Variants in TOM1L2 observed in about 807,000 individuals in gnomAD.
TOM1L2 encodes the protein TOM1-like protein 2.
TOM1L2 carries 31 observed loss-of-function variants against 67.9 expected under a neutral mutation model. The ratio of observed to expected loss-of-function variants is 0.46; its 90% confidence interval spans 0.34 to 0.62. The LOEUF (loss-of-function observed/expected upper bound fraction) is 0.62. TOM1L2 is among the 20% of genes least tolerant of loss of function. The pLI, the probability that TOM1L2 is intolerant of heterozygous loss-of-function variation, is 0.01. For missense variants in TOM1L2, 606 were observed against 663.5 expected (o/e 0.91, Z 0.95); for synonymous variants, 256 against 254.0 (o/e 1.01, Z -0.07).
At chr17:17,858,226 A>T (rs78819540) in intron 12 of TOM1L2, 6 of 157,268 alleles carry the variant, frequency 3.8e-5, no homozygotes, top group Admixed American at 1.3e-4. Flanking sequence ...TTTTTCCTAC[A>T]TTTTTTTTTT....
intron 1 of TOM1L2, among the ~76,000 whole-genome samples, chr17:17,962,599 C>G (rs2041728791): frequency 6.6e-6 from 1 of 152,152 alleles, no homozygotes; most frequent in Middle Eastern, 3.4e-3. Context: ...AAGGCATGAG[C>G]CACCGCGACT....
At chr17:17,888,724 C>T (rs888461106) in intron 4 of TOM1L2, among the ~76,000 whole-genome samples, 1 of 152,196 alleles carries the variant, frequency 6.6e-6, no homozygotes, top group Admixed American at 6.5e-5. Flanking sequence ...GGGAGGGGGG[C>T]TGGAGAGGCA....
In TOM1L2 at chr17:17,915,382, G is replaced by A. The variant is rs191497312; in HGVS notation, c.53-7851C>T. Among the ~76,000 whole-genome samples, 3 of 152,314 alleles carry A rather than the reference G, an allele frequency of 2.0e-5. No homozygotes were observed. In the East Asian group the frequency reaches 5.8e-4, roughly 29 times the overall value. ...GGGATCCTGGCTTACCAGGTGTGAA[G>A]TGGTATCCCAGTGTGGTTTTGTTTT... On this transcript the variant is annotated intron_variant, in intron 1 of 14. Coordinates refer to ENST00000379504, the MANE Select transcript of TOM1L2 (RefSeq NM_001082968.2).
chr17:17,907,884 G>A (rs999553608), intron 1 of TOM1L2, among the ~76,000 whole-genome samples: 1 of 152,154 alleles, frequency 6.6e-6, no homozygotes, highest in African/African-American at 2.4e-5. Flanking sequence ...CTAGTTGTGT[G>A]GTCTTGGGTA....
chr17:17,893,702 G>A lies in TOM1L2; in HGVS notation c.325C>T (p.Pro109Ser). ...LVKIISPKNN[P>S]PTIVQDKVLA... ...ACTTTGTCCTGTACAATGGTGGGAG[G>A]GTTGTTCTTGGGAGATATAATTTTG... is the stretch of plus-strand genomic sequence containing the variant. Residue 109 changes from proline to serine, a missense_variant, in exon 4 of 15, where the codon CCT (proline) becomes TCT (serine). This residue lies in a region of TOM1L2 where 543 missense variants were observed against 554.0 expected (regional missense o/e 0.98). Coordinates refer to ENST00000379504, the MANE Select transcript of TOM1L2 (RefSeq NM_001082968.2). 1 of 1,614,114 alleles carries A rather than the reference G, an allele frequency of 6.2e-7. No homozygotes were observed. Among genetic ancestry groups the A allele is most frequent in the Non-Finnish European group, 8.5e-7 (1 of 1,180,020 alleles).
Position 17,844,714 on chromosome 17 carries a change from C to T in TOM1L2, c.*2921G>A, listed in dbSNP as rs2035554882. On this transcript the variant is annotated 3_prime_UTR_variant, in exon 15 of 15. Transcript: ENST00000379504. ...CCATGGTGCCAGGGGCCCAACTGCA[C>T]ATAGCGCCATTCTCTGCCGCCCAGT... The T allele has an allele frequency of 6.6e-6, 1 of 152,272 alleles. No individual in the cohort carries two copies. Among genetic ancestry groups the T allele is most frequent in the Non-Finnish European group, 1.5e-5 (1 of 68,052 alleles). 9.4% of individuals were successfully genotyped at this position (152,272 alleles called of 1,614,324 possible).
intron 12 of TOM1L2, chr17:17,859,397 T>A (rs1433232422): frequency 6.6e-6 from 1 of 152,254 alleles, no homozygotes; most frequent in Non-Finnish European, 1.5e-5. Context: ...ATTGTGTTCT[T>A]AATTTCTCCC....
intron 1 of TOM1L2, among the ~76,000 whole-genome samples, chr17:17,968,388 C>T (rs1242970526): frequency 1.3e-5 from 2 of 152,112 alleles, no homozygotes; most frequent in Non-Finnish European, 1.5e-5. Flanking sequence ...GTCTTTGGGC[C>T]GGGCGCAATG....
intron 1 of TOM1L2, among the ~76,000 whole-genome samples, chr17:17,944,589 C>T (rs2040866226): frequency 1.3e-5 from 2 of 152,092 alleles, no homozygotes; most frequent in African/African-American, 4.8e-5. Context: ...AAAGAGATTC[C>T]CATATTTGGA....
At chr17:17,853,196 T>TC (rs907225632) in intron 12 of TOM1L2, among the ~76,000 whole-genome samples, 2 of 152,106 alleles carry the variant, frequency 1.3e-5, no homozygotes, top group African/African-American at 2.4e-5. Flanking sequence ...CCATGCTGAG[T>TC]CCCCAAAACT....
chr17:17,855,412 G>A (rs970671463), intron 12 of TOM1L2, among the ~76,000 whole-genome samples: 4 of 152,164 alleles, frequency 2.6e-5, no homozygotes, highest in Admixed American at 2.0e-4. Flanking sequence ...TCTCTCACAT[G>A]AGGATATTTT....
intron 1 of TOM1L2, among the ~76,000 whole-genome samples, chr17:17,938,379 G>C (rs748189699): frequency 6.6e-6 from 1 of 152,166 alleles, no homozygotes; most frequent in Non-Finnish European, 1.5e-5. Flanking sequence ...GACCCTTGGT[G>C]CCTTTGATTT....
At chr17:17,916,234 A>T (rs1349171925) in intron 1 of TOM1L2, among the ~76,000 whole-genome samples, 1 of 151,912 alleles carries the variant, frequency 6.6e-6, no homozygotes, top group Non-Finnish European at 1.5e-5. Context: ...CCACTATGCC[A>T]GGCTAATTTT....
At chr17:17,896,268 G>A (rs563994421) in intron 3 of TOM1L2, among the ~76,000 whole-genome samples, 1 of 152,220 alleles carries the variant, frequency 6.6e-6, no homozygotes, top group Admixed American at 6.5e-5. Context: ...TGGGGTCAAG[G>A]CAGATGGCAA....
chr17:17,862,711 C>T lies in TOM1L2; in HGVS notation c.1202+20G>A, dbSNP rs770518778. The T allele has an allele frequency of 6.2e-7, 1 of 1,605,698 alleles. No homozygotes were observed. Among genetic ancestry groups the T allele is most frequent in the Non-Finnish European group, 8.5e-7 (1 of 1,174,538 alleles). ...TCCCCCCAATATCTTTAGAGAGCCACTAAAAGGGGCCCCACATACGTCTTG... is the reference window on the plus strand; with the variant it reads ...TCCCCCCAATATCTTTAGAGAGCCATTAAAAGGGGCCCCACATACGTCTTG... On this transcript the variant is annotated intron_variant, in intron 11 of 14. Coordinates refer to ENST00000379504, the MANE Select transcript of TOM1L2 (RefSeq NM_001082968.2).
chr17:17,943,828 T>C (rs756217281), intron 1 of TOM1L2, among the ~76,000 whole-genome samples: 39 of 152,208 alleles, frequency 2.6e-4, no homozygotes, highest in Non-Finnish European at 4.7e-4. Flanking sequence ...TTCCACTTCC[T>C]ACCCCTTGCC....
intron 1 of TOM1L2, among the ~76,000 whole-genome samples, chr17:17,951,963 A>T (rs373565174): frequency 3.9e-5 from 6 of 152,242 alleles, no homozygotes; most frequent in African/African-American, 7.2e-5. Context: ...GGCAGTCTCC[A>T]TCAAAATTTC....
chr17:17,936,838 G>C (rs2040534461), intron 1 of TOM1L2, among the ~76,000 whole-genome samples: 1 of 152,112 alleles, frequency 6.6e-6, no homozygotes, highest in Non-Finnish European at 1.5e-5. Flanking sequence ...TTGTGTAGTG[G>C]GATAATGAAA....
chr17:17,893,512 A>ATT, intron 4 of TOM1L2, 149 bp downstream of exon 4: 1 of 786,442 alleles, frequency 1.3e-6, no homozygotes, highest in Non-Finnish European at 1.9e-6. Context: ...TGGGATGAGA[A>ATT]TTTTTTTTGA....
Sources: gnomAD v4.1 joint callset for allele counts (sites outside exome capture counted in the v4.1 genomes callset) on GRCh38, gnomAD v4.1.1 for gene constraint, gnomAD v4.1.1 regional missense constraint, MANE v1.5 for transcripts, NCBI Gene and HGNC (gene_info 2026-07-23, HGNC 2026-07-21) for gene names.